PCDHA3: variants seen among roughly 807,000 people sequenced by gnomAD.
PCDHA3 encodes the protein protocadherin alpha 3.
In PCDHA3, 41 loss-of-function variants were observed where a neutral mutation model predicts 62.2. The ratio of observed to expected loss-of-function variants is 0.66; its 90% CI spans 0.51 to 0.86. The LOEUF is 0.86. Ranked by LOEUF, PCDHA3 falls within the 40% of genes least tolerant of loss-of-function variation. PCDHA3 has a pLI of 0.00. For missense variants in PCDHA3, 1,304 were observed against 1,241.2 expected (o/e 1.05, Z -0.76); for synonymous variants, 640 against 555.4 (o/e 1.15, Z -2.14).
At chr5:140,985,491 G>C (rs1288786153) in intron 3 of PCDHA3, among the ~76,000 whole-genome samples, 3 of 152,166 alleles carry the variant, frequency 2.0e-5, no homozygotes, top group African/African-American at 7.2e-5. Flanking sequence ...GACTCAAATA[G>C]AGCCTGCCTT....
At chr5:140,863,157 C>G in intron 1 of PCDHA3, 1 of 638,958 alleles carries the variant, frequency 1.6e-6, no homozygotes, top group South Asian at 1.4e-5. Flanking sequence ...AGGACCACTG[C>G]GAGCTGGCGC....
At chr5:140,841,181 C>A (rs1777072934) in intron 1 of PCDHA3, 2 of 1,156,492 alleles carry the variant, frequency 1.7e-6, no homozygotes, top group Non-Finnish European at 2.4e-6. Flanking sequence ...GGTCAATGTT[C>A]AAAGTCTTTT....
chr5:140,802,971 G>A lies in PCDHA3; in HGVS notation c.1774G>A (p.Ala592Thr), dbSNP rs782454635. ...GTCAGTGGGTGCGGGCCACGTGGTA[G>A]CGAAGGTGCGCGCAGTGGATGCAGA... ...PRSVGAGHVV[A>T]KVRAVDADSG... Residue 592 changes from alanine (A) to threonine (T), a missense_variant, in exon 1 of 4, where the codon GCG becomes ACG. Coordinates refer to ENST00000522353, the MANE Select transcript of PCDHA3 (RefSeq NM_018906.3). 2 of 1,613,884 alleles carry A rather than the reference G, an allele frequency of 1.2e-6. No homozygotes were observed. Among genetic ancestry groups the A allele is most frequent in the Non-Finnish European group, 1.7e-6 (2 of 1,179,928 alleles).
chr5:140,809,305 G>A (rs782718692), intron 1 of PCDHA3: 4 of 1,614,114 alleles, frequency 2.5e-6, no homozygotes, highest in African/African-American at 1.3e-5. Flanking sequence ...CCATCTGCGC[G>A]GTGTCCAGCC....
intron 1 of PCDHA3, chr5:140,869,370 G>A: frequency 6.2e-7 from 1 of 1,614,138 alleles, no homozygotes; most frequent in South Asian, 1.1e-5. Flanking sequence ...TGAATTCTCG[G>A]ATCGACCGCG....
At chr5:140,861,589 T>C in intron 1 of PCDHA3, 2 of 373,158 alleles carry the variant, frequency 5.4e-6, no homozygotes, top group South Asian at 4.9e-5. Context: ...CATGTGGAGG[T>C]GAAAGTGAAG....
intron 1 of PCDHA3, chr5:140,808,856 G>A (rs1764280516): frequency 6.2e-7 from 1 of 1,613,126 alleles, no homozygotes; most frequent in African/African-American, 1.3e-5. Flanking sequence ...GTTCGTGCTG[G>A]ACGAAAACGA....
chr5:140,987,122 G>A (rs1054053197), intron 3 of PCDHA3, among the ~76,000 whole-genome samples: 2 of 151,858 alleles, frequency 1.3e-5, no homozygotes, highest in African/African-American at 4.8e-5. Context: ...GCTGAGGCAG[G>A]AGAATTGCTT....
intron 1 of PCDHA3, chr5:140,869,583 T>G: frequency 6.2e-7 from 1 of 1,614,152 alleles, no homozygotes; most frequent in Non-Finnish European, 8.5e-7. Flanking sequence ...CTTCTGATGC[T>G]GACATTGAAG....
intron 1 of PCDHA3, among the ~76,000 whole-genome samples, chr5:140,953,094 C>A (rs2094845891): frequency 6.6e-6 from 1 of 152,172 alleles, no homozygotes; most frequent in South Asian, 2.1e-4. Flanking sequence ...TACAATTTGA[C>A]ATGAGATTTG....
At chr5:140,828,232 G>A in intron 1 of PCDHA3, 1 of 1,613,964 alleles carries the variant, frequency 6.2e-7, no homozygotes, top group Non-Finnish European at 8.5e-7. Context: ...TCGTGGGCCG[G>A]ATCGCGCAGG....
At chr5:140,822,828 A>G in intron 1 of PCDHA3, 2 of 1,614,224 alleles carry the variant, frequency 1.2e-6, no homozygotes, top group Non-Finnish European at 1.7e-6. Flanking sequence ...AGATGGCCAT[A>G]ACCACCCTTT....
In PCDHA3 at chr5:140,802,643, G is replaced by T. The variant is rs151289883; in HGVS notation, c.1446G>T (p.Ala482=). ...CHIFTVSARD[A]DAQENALVSY... is the part of the protein sequence containing the mutation. ...TCTTCACGGTGTCTGCGCGGGACGC[G>T]GACGCGCAGGAGAACGCCCTGGTGT... The change falls in exon 1 of 4, where the codon GCG becomes GCT. Residue 482 remains alanine, a synonymous_variant. Transcript: ENST00000522353. 640 of 1,613,628 alleles carry T rather than the reference G, an allele frequency of 4.0e-4. No individual in the cohort carries two copies. The highest frequency in any genetic ancestry group is 5.1e-4 in the Non-Finnish European group (598 of 1,179,888).
At position 140,850,378 on chromosome 5, in the gene PCDHA3, C is replaced by T. The variant is rs1365314674; in HGVS notation, c.2394+46787C>T. On this transcript the variant is annotated intron_variant, in intron 1 of 3. Coordinates refer to ENST00000522353, the MANE Select transcript of PCDHA3 (RefSeq NM_018906.3). ...ATCCCGTTCCGCGTGGGGCTGTACA[C>T]GGGCGAGATCAGCACAACGCGTGCC... 6 of 1,597,842 alleles carry T rather than the reference C, an allele frequency of 3.8e-6. 1 individual carries two copies. Among genetic ancestry groups the T allele is most frequent in the Non-Finnish European group, 5.1e-6 (6 of 1,167,692 alleles).
intron 3 of PCDHA3, among the ~76,000 whole-genome samples, chr5:141,005,485 T>C (rs57509018): frequency 5.3e-5 from 8 of 151,370 alleles, no homozygotes; most frequent in Non-Finnish European, 1.0e-4. Context: ...GGGCGGATCA[T>C]GAGGTCAGGA....
At chr5:140,962,220 T>A (rs1174731292) in intron 1 of PCDHA3, among the ~76,000 whole-genome samples, 2 of 152,186 alleles carry the variant, frequency 1.3e-5, no homozygotes, top group African/African-American at 4.8e-5. Flanking sequence ...GATCTTGAGG[T>A]TCAAGTTTCA....
rs561153933 is a variant in PCDHA3, at chr5:140,927,279, G to A, written c.2395-51670G>A. Reference sequence around the variant, plus strand: ...CACCTCTCTTTCCTGCCGGCGACGTGCAGCTGCACATCCCCGAGTTCCTGA... The same window carrying A: ...CACCTCTCTTTCCTGCCGGCGACGTACAGCTGCACATCCCCGAGTTCCTGA... On this transcript the variant is annotated intron_variant, in intron 1 of 3. Transcript: ENST00000522353. 14 of 1,614,136 alleles carry A rather than the reference G, an allele frequency of 8.7e-6. 1 individual carries two copies. The South Asian group carries it at 1.4e-4, about 16-fold the overall frequency.
At chr5:141,008,356 A>G (rs1440951671) in intron 3 of PCDHA3, among the ~76,000 whole-genome samples, 1 of 152,204 alleles carries the variant, frequency 6.6e-6, no homozygotes, top group Non-Finnish European at 1.5e-5. Context: ...CGTGTCAACC[A>G]AAGGAGCAGT....
In PCDHA3 at chr5:140,929,760, G is replaced by A. The variant is rs139688975; in HGVS notation, c.2395-49189G>A. 1,459 of 180,340 alleles carry A rather than the reference G, an allele frequency of 8.1e-3. 10 individuals carry two copies. Among genetic ancestry groups the A allele is most frequent in the African/African-American group, 0.019 (807 of 42,220 alleles). The allele number at this position is 180,340 out of a possible 1,614,324, so 11.2% of individuals were successfully genotyped here. A position where few individuals can be genotyped will look rare whatever the true frequency, so the allele number is the denominator to read the frequency against. Reference sequence around the variant, plus strand: ...TTGCAATGCATTATTAAAAGATGACGATAACCACAAAAGATGTAAAAATAA... The same window carrying A: ...TTGCAATGCATTATTAAAAGATGACAATAACCACAAAAGATGTAAAAATAA... On this transcript the variant is annotated intron_variant, in intron 1 of 3. Transcript: ENST00000522353.
Sources: allele counts gnomAD v4.1 joint callset (sites outside exome capture counted in the v4.1 genomes callset), GRCh38; gene constraint gnomAD v4.1.1; transcripts MANE v1.5; gene names NCBI Gene and HGNC (gene_info 2026-07-23, HGNC 2026-07-21).